Variants in ST8SIA2 observed in about 807,000 individuals in gnomAD.
The protein encoded by ST8SIA2 is ST8 alpha-N-acetyl-neuraminide alpha-2,8-sialyltransferase 2.
ST8SIA2 carries 22 observed loss-of-function variants against 37.6 expected under a neutral mutation model. That is an observed-to-expected ratio of 0.58 (90% CI 0.42 to 0.83). ST8SIA2 has a LOEUF of 0.83. ST8SIA2 is among the 40% of genes least tolerant of loss of function. ST8SIA2 has a pLI of 0.00. For synonymous variants in ST8SIA2, 205 were observed against 201.2 expected (o/e 1.02, Z -0.16); for missense variants, 382 against 484.7 (o/e 0.79, Z 1.99).
At chr15:92,459,835 G>T (rs1000144998) in intron 5 of ST8SIA2, among the ~76,000 whole-genome samples, 2 of 152,096 alleles carry the variant, frequency 1.3e-5, no homozygotes, top group South Asian at 4.1e-4. Context: ...CAGGTGATCC[G>T]CCCGCCTCAG....
intron 5 of ST8SIA2, among the ~76,000 whole-genome samples, chr15:92,457,543 C>A (rs752760635): frequency 6.6e-6 from 1 of 152,160 alleles, no homozygotes; most frequent in African/African-American, 2.4e-5. Context: ...TACAACGTCC[C>A]GGATGCACCC....
chr15:92,458,570 G>A (rs117645273), intron 5 of ST8SIA2, among the ~76,000 whole-genome samples: 1,616 of 152,276 alleles, frequency 0.011, 24 homozygotes, highest in South Asian at 0.067. Context: ...CATCCCTTCC[G>A]TCTCTAAAAT....
intron 5 of ST8SIA2, among the ~76,000 whole-genome samples, chr15:92,457,619 G>T (rs28491957): frequency 6.6e-6 from 1 of 152,296 alleles, no homozygotes; most frequent in East Asian, 1.9e-4. Flanking sequence ...GTTATCCTAA[G>T]GAAAGGAATA....
chr15:92,461,865 G>A (rs993075720), intron 5 of ST8SIA2, among the ~76,000 whole-genome samples: 44 of 152,270 alleles, frequency 2.9e-4, no homozygotes, highest in Admixed American at 5.9e-4. Flanking sequence ...AAGAAATGAC[G>A]AAGATCTCAG....
At chr15:92,412,107 C>T (rs1202705186) in intron 1 of ST8SIA2, among the ~76,000 whole-genome samples, 2 of 151,940 alleles carry the variant, frequency 1.3e-5, no homozygotes, top group Admixed American at 6.6e-5. Flanking sequence ...TGGGGTGAAG[C>T]GAGATTCCAA....
At position 92,394,024 on chromosome 15, in the gene ST8SIA2, T is replaced by TC. The variant is rs2049410037; in HGVS notation, c.-40dup. The stretch of plus-strand genomic sequence containing the variant: ...CGCTGCGCCCTCCGGCCCCTGCTCC[T>TC]CGCGCCGGCCCGCGTGGGTCCCGGC... On this transcript the variant is annotated 5_prime_UTR_variant, in exon 1 of 6. Coordinates refer to ENST00000268164, the MANE Select transcript of ST8SIA2 (RefSeq NM_006011.4). 1.7e-5 allele frequency: 26 copies of TC among 1,507,178 alleles called. No homozygotes were observed. Among genetic ancestry groups the TC allele is most frequent in the Non-Finnish European group, 2.2e-5 (25 of 1,118,484 alleles). The allele number at this position is 1,507,178 out of a possible 1,614,324, so 93.4% of individuals were successfully genotyped here.
intron 1 of ST8SIA2, among the ~76,000 whole-genome samples, chr15:92,409,631 AT>A (rs1457654469): frequency 1.3e-5 from 2 of 152,062 alleles, no homozygotes; most frequent in African/African-American, 4.8e-5. Flanking sequence ...CTCAGTAACT[AT>A]TTCTCAAATG....
chr15:92,451,746 G>A (rs993214188), intron 5 of ST8SIA2, among the ~76,000 whole-genome samples: 2 of 152,152 alleles, frequency 1.3e-5, no homozygotes, highest in African/African-American at 4.8e-5. Flanking sequence ...CTCATGTCAT[G>A]AGAGGACTAC....
chr15:92,414,702 C>T (rs116064428), intron 1 of ST8SIA2, among the ~76,000 whole-genome samples: 350 of 152,334 alleles, frequency 2.3e-3, no homozygotes, highest in African/African-American at 7.7e-3. Flanking sequence ...TCCATCCATC[C>T]GAGCAAGGTT....
intron 5 of ST8SIA2, among the ~76,000 whole-genome samples, chr15:92,451,932 G>A (rs549969187): frequency 6.6e-6 from 1 of 152,262 alleles, no homozygotes; most frequent in East Asian, 1.9e-4. Context: ...ATCATGTCAG[G>A]AAGGCCAAGG....
chr15:92,459,233 G>C (rs2049941134), intron 5 of ST8SIA2, among the ~76,000 whole-genome samples: 1 of 152,134 alleles, frequency 6.6e-6, no homozygotes, highest in Non-Finnish European at 1.5e-5. Flanking sequence ...TGTTTATCTG[G>C]CCTGTGTTAG....
At chr15:92,414,593 G>T (rs1002196898) in intron 1 of ST8SIA2, among the ~76,000 whole-genome samples, 1 of 152,252 alleles carries the variant, frequency 6.6e-6, no homozygotes, top group Non-Finnish European at 1.5e-5. Flanking sequence ...GAACTCATAG[G>T]GTTGGGACAG....
chr15:92,460,573 G>A (rs750723274), intron 5 of ST8SIA2, among the ~76,000 whole-genome samples: 33 of 152,294 alleles, frequency 2.2e-4, no homozygotes, highest in Non-Finnish European at 2.8e-4. Context: ...GCTTAGCTCC[G>A]TTGAGCGTAG....
chr15:92,453,077 A>G (rs1429123145), intron 5 of ST8SIA2, among the ~76,000 whole-genome samples: 1 of 152,106 alleles, frequency 6.6e-6, no homozygotes, highest in Admixed American at 6.5e-5. Context: ...AAACCCAAGC[A>G]GAAGGCCTGC....
At chr15:92,406,564 G>A (rs752824782) in intron 1 of ST8SIA2, among the ~76,000 whole-genome samples, 1 of 152,238 alleles carries the variant, frequency 6.6e-6, no homozygotes, top group African/African-American at 2.4e-5. Flanking sequence ...GGAATGATTG[G>A]TTTCCCTGCC....
chr15:92,427,706 G>A (rs920256432), intron 1 of ST8SIA2, among the ~76,000 whole-genome samples: 1 of 152,182 alleles, frequency 6.6e-6, no homozygotes, highest in African/African-American at 2.4e-5. Flanking sequence ...CAGGCTGGCT[G>A]GGTGCAGTAG....
At chr15:92,394,869 G>A (rs1282437466) in intron 1 of ST8SIA2, among the ~76,000 whole-genome samples, 1 of 152,214 alleles carries the variant, frequency 6.6e-6, no homozygotes. Context: ...CGCGGAGACG[G>A]AGACATTTCG....
Position 92,444,850 on chromosome 15 carries a change from G to C in ST8SIA2, c.763G>C (p.Val255Leu). 6.2e-7 allele frequency: 1 copy of C among 1,613,894 alleles called. No individual in the cohort carries two copies. Among genetic ancestry groups the C allele is most frequent in the Non-Finnish European group, 8.5e-7 (1 of 1,180,034 alleles). The change falls in exon 5 of 6, where the codon GTC becomes CTC. Residue 255 changes from valine (V) to leucine (L), a missense_variant. Coordinates refer to ENST00000268164, the MANE Select transcript of ST8SIA2 (RefSeq NM_006011.4). ...ARGGKERVEW[V>L]NELILKHHVN... ...GGGCGGCAAGGAGCGTGTTGAGTGG[G>C]TCAACGAGCTTATCCTGAAGCACCA...
intron 3 of ST8SIA2, among the ~76,000 whole-genome samples, chr15:92,437,127 G>A (rs2049764827): frequency 6.6e-6 from 1 of 152,164 alleles, no homozygotes; most frequent in African/African-American, 2.4e-5. Context: ...TTTGCAAAGT[G>A]CATGAAAATT....
Sources: gnomAD v4.1 joint callset for allele counts (sites outside exome capture counted in the v4.1 genomes callset) on GRCh38, gnomAD v4.1.1 for gene constraint, MANE v1.5 for transcripts, NCBI Gene and HGNC (gene_info 2026-07-23, HGNC 2026-07-21) for gene names.